Variants in CYTH3 observed in about 807,000 individuals in gnomAD.
CYTH3 encodes the protein cytohesin-3.
Under a neutral mutation model 55.1 loss-of-function variants are expected in CYTH3, and 23 were observed. That is an observed-to-expected ratio of 0.42 (90% CI 0.30 to 0.59). The LOEUF is 0.59. Among genes scored for constraint, CYTH3 ranks in the 20% least tolerant of loss-of-function variants. CYTH3 has a pLI of 0.20. For missense variants in CYTH3, 413 were observed against 524.8 expected, an observed-to-expected ratio of 0.79 and a Z score of 2.08; for synonymous variants, 249 against 194.9, an observed-to-expected ratio of 1.28 and a Z score of -2.31.
At position 6,167,894 on chromosome 7, in the gene CYTH3, C is replaced by T. The variant is rs573693956; in HGVS notation, c.824-2084G>A. Among the ~76,000 whole-genome samples the T allele has an allele frequency of 4.6e-5, 7 of 152,318 alleles. No homozygotes were observed. Among genetic ancestry groups the T allele is most frequent in the African/African-American group, 7.2e-5 (3 of 41,576 alleles). On this transcript the variant is annotated intron_variant, in intron 9 of 12. Transcript: ENST00000350796. The surrounding 1 kb of genome is among the most constrained non-coding windows in gnomAD (Gnocchi z 5.5). ...CCTCTCAGCTCCACCTTGGGTCCCC[C>T]GCTCACACCTCCCATGCAGAGCCCC...
intron 1 of CYTH3, among the ~76,000 whole-genome samples, chr7:6,255,913 G>A (rs1433906390): frequency 2.6e-5 from 4 of 151,712 alleles, no homozygotes; most frequent in African/African-American, 9.7e-5. Flanking sequence ...ACAGGTGCCC[G>A]CCACTACGCC....
rs192840838 is a variant in CYTH3 at position 6,240,084 on chromosome 7, T to C, written c.34+32390A>G. Among the ~76,000 whole-genome samples the C allele has an allele frequency of 7.2e-5, 11 of 152,134 alleles. No individual in the cohort carries two copies. In the East Asian group the frequency reaches 2.1e-3, roughly 29 times the overall value. On this transcript the variant is annotated intron_variant, in intron 1 of 12. Transcript: ENST00000350796. ...ACTTTGGGAGGCCAAGGCAGGTGGA[T>C]CGCGTGAGGTCAGGAGTTCGAGACC...
intron 1 of CYTH3, among the ~76,000 whole-genome samples, chr7:6,204,084 A>C (rs765637866): frequency 5.3e-5 from 8 of 152,136 alleles, no homozygotes; most frequent in Non-Finnish European, 1.2e-4. Context: ...AAGTTGAAAA[A>C]AAATCAGACA....
chr7:6,244,608 G>A (rs1043034512), intron 1 of CYTH3, among the ~76,000 whole-genome samples: 6 of 149,434 alleles, frequency 4.0e-5, no homozygotes, highest in Non-Finnish European at 7.4e-5. Context: ...GGGACTACCA[G>A]TATACACCAT....
At chr7:6,224,180 G>C (rs1460586451) in intron 1 of CYTH3, among the ~76,000 whole-genome samples, 1 of 152,090 alleles carries the variant, frequency 6.6e-6, no homozygotes, top group Non-Finnish European at 1.5e-5. Flanking sequence ...ACCATGCCTG[G>C]TTAATTCTGC....
At chr7:6,192,316 C>T (rs1783819828) in intron 1 of CYTH3, among the ~76,000 whole-genome samples, 1 of 151,978 alleles carries the variant, frequency 6.6e-6, no homozygotes, top group South Asian at 2.1e-4. Context: ...CTCCTGGGCT[C>T]AAGCAATCCT....
chr7:6,239,422 A>G (rs956477468), intron 1 of CYTH3, among the ~76,000 whole-genome samples: 1 of 152,186 alleles, frequency 6.6e-6, no homozygotes, highest in Non-Finnish European at 1.5e-5. Context: ...AATGACTTCC[A>G]AAGTTGATGT....
chr7:6,192,095 C>CA lies in CYTH3; in HGVS notation c.35-1565dup, dbSNP rs200688265. 2.6e-3 allele frequency among the ~76,000 whole-genome samples: 397 copies of CA among 151,004 alleles called. 1 individual carries two copies. Among genetic ancestry groups the CA allele is most frequent in the African/African-American group, 8.7e-3 (359 of 41,226 alleles). On this transcript the variant is annotated intron_variant, in intron 1 of 12. Transcript: ENST00000350796. ...TCTGGGCAACACAGAATCTGTGTCTCAAAAAAAAATTAATAAATAAAAACT... is the reference window on the plus strand; with the variant it reads ...TCTGGGCAACACAGAATCTGTGTCTCAAAAAAAAAATTAATAAATAAAAACT...
Position 6,179,606 on chromosome 7 carries a change from CACACCA to C in CYTH3, c.250-1671_250-1666del, listed in dbSNP as rs1437392388. Among the ~76,000 whole-genome samples the C allele has an allele frequency of 2.8e-4, 40 of 140,744 alleles. 1 individual carries two copies. The highest frequency in any genetic ancestry group is 1.1e-3 in the South Asian group (5 of 4,488). The allele number at this position is 140,744 out of a possible 152,430, so 92.3% of individuals were successfully genotyped here. On this transcript the variant is annotated intron_variant, in intron 4 of 12. Transcript: ENST00000350796. Reference sequence around the variant, plus strand: ...AAGACAGACACACACACACACACCACACACCACACACACACACCCCCCACATACACC... The same window carrying C: ...AAGACAGACACACACACACACACCACCACACACACACCCCCCACATACACC...
rs201763603 is a variant in CYTH3 at position 6,171,025 on chromosome 7, C to A, written c.563-47G>T. Reference sequence around the variant, plus strand: ...GGGCTCAGCCAGAACCTCCAGTGGACAGTGGGACCCCGCGTGCTGGGGGCC... The same window carrying A: ...GGGCTCAGCCAGAACCTCCAGTGGAAAGTGGGACCCCGCGTGCTGGGGGCC... On this transcript the variant is annotated intron_variant, in intron 7 of 12. Coordinates refer to ENST00000350796, the MANE Select transcript of CYTH3 (RefSeq NM_004227.4). This position sits in a 1 kb window ranked among gnomAD's most constrained non-coding sequence, Gnocchi z 6.7. 6.2e-7 allele frequency: 1 copy of A among 1,609,048 alleles called. No individual in the cohort carries two copies. The highest frequency in any genetic ancestry group is 1.7e-5 in the Admixed American group (1 of 59,714).
chr7:6,244,320 G>C (rs1037295476), intron 1 of CYTH3, among the ~76,000 whole-genome samples: 3 of 152,164 alleles, frequency 2.0e-5, no homozygotes, highest in Non-Finnish European at 4.4e-5. Flanking sequence ...AATTTTTAAT[G>C]AATTTATTTC....
At chr7:6,230,827 G>A (rs555715012) in intron 1 of CYTH3, among the ~76,000 whole-genome samples, 70 of 152,114 alleles carry the variant, frequency 4.6e-4, no homozygotes, top group African/African-American at 1.6e-3. Context: ...AAACCAAAAG[G>A]TTGATAACGG....
At chr7:6,172,546 G>T (rs1250675918) in intron 6 of CYTH3, among the ~76,000 whole-genome samples, 1 of 152,186 alleles carries the variant, frequency 6.6e-6, no homozygotes, top group Non-Finnish European at 1.5e-5. Context: ...AGCTCCTCAG[G>T]CCACAGGACC....
At chr7:6,186,435 C>T (rs566148074) in intron 4 of CYTH3, among the ~76,000 whole-genome samples, 2 of 152,206 alleles carry the variant, frequency 1.3e-5, no homozygotes, top group Non-Finnish European at 2.9e-5. Flanking sequence ...TCCCTTAGCT[C>T]GGTCTCAAAA....
chr7:6,173,168 CAGG>C (rs1783247360), intron 6 of CYTH3: 1 of 669,360 alleles, frequency 1.5e-6, no homozygotes, highest in African/African-American at 2.0e-5. Flanking sequence ...GCTTGCAGAG[CAGG>C]AGGAAGACAA....
intron 1 of CYTH3, among the ~76,000 whole-genome samples, chr7:6,227,620 G>A (rs114122895): frequency 1.3e-5 from 2 of 152,274 alleles, no homozygotes; most frequent in Admixed American, 6.5e-5. Flanking sequence ...AAGGCTTTAG[G>A]CAGCTTTGCC....
At chr7:6,181,069 T>C (rs1345791635) in intron 4 of CYTH3, among the ~76,000 whole-genome samples, 1 of 152,232 alleles carries the variant, frequency 6.6e-6, no homozygotes, top group Non-Finnish European at 1.5e-5. Flanking sequence ...CTTCAGTGAT[T>C]ACTCTTAAAA....
chr7:6,235,362 A>G (rs1310060128), intron 1 of CYTH3, among the ~76,000 whole-genome samples: 4 of 151,880 alleles, frequency 2.6e-5, no homozygotes, highest in Admixed American at 6.6e-5. Flanking sequence ...CTGTAATCCT[A>G]GCTACTCAGG....
At chr7:6,165,951 C>T (rs1330708722) in intron 9 of CYTH3, 141 bp from the exon 10 acceptor site, 2 of 773,526 alleles carry the variant, frequency 2.6e-6, no homozygotes, top group Admixed American at 2.5e-5. Context: ...TGTCCTTCAG[C>T]GTTCCCACCG....
Sources: gnomAD v4.1 joint callset for allele counts (sites outside exome capture counted in the v4.1 genomes callset) on GRCh38, gnomAD v4.1.1 for gene constraint, Gnocchi (gnomAD v3.1) non-coding constraint, MANE v1.5 for transcripts, NCBI Gene and HGNC (gene_info 2026-07-23, HGNC 2026-07-21) for gene names.